The following ARHGEF26 variants were observed in gnomAD, a reference collection of about 807,000 sequenced individuals.
The protein encoded by ARHGEF26 is Rho guanine nucleotide exchange factor (GEF) 26.
In ARHGEF26, 59 loss-of-function variants were observed where a neutral mutation model predicts 89.4. The observed-to-expected ratio is 0.66, with a 90% CI of 0.54 to 0.82. The LOEUF (loss-of-function observed/expected upper bound fraction) is 0.82. Ranked by LOEUF, ARHGEF26 falls within the 40% of genes least tolerant of loss-of-function variation. The pLI is 0.00. For missense variants in ARHGEF26, 1,234 were observed against 1,085.6 expected, an observed-to-expected ratio of 1.14 and a Z score of -1.92; for synonymous variants, 500 against 428.4, an observed-to-expected ratio of 1.17 and a Z score of -2.06.
In ARHGEF26 at chr3:154,240,582, AAGT is replaced by A. The variant is rs1228009317; in HGVS notation, c.2300+5_2300+7del. ...ATGCTACTAGGAGCTGAGACGCAGT[AAGT>A]ATATGTGGGGAAAAGATTGGAATAG... On this transcript the variant is annotated splice_donor_5th_base_variant and intron_variant, in intron 12 of 14. Coordinates refer to ENST00000465093, the MANE Select transcript of ARHGEF26 (RefSeq NM_015595.4). 1 of 1,602,712 alleles carries A rather than the reference AAGT, an allele frequency of 6.2e-7. No homozygotes were observed.
intron 9 of ARHGEF26, among the ~76,000 whole-genome samples, chr3:154,203,231 G>A (rs1576773308): frequency 2.0e-5 from 3 of 152,212 alleles, no homozygotes; most frequent in Admixed American, 2.0e-4. Flanking sequence ...TTTGTCAAAG[G>A]CCTTTTCTGC....
At chr3:154,254,043 G>A (rs1213004743) in intron 13 of ARHGEF26, among the ~76,000 whole-genome samples, 1 of 152,148 alleles carries the variant, frequency 6.6e-6, no homozygotes, top group African/African-American at 2.4e-5. Context: ...AGCCTCCCAA[G>A]TAGCTGAGAC....
chr3:154,191,175 T>G, intron 7 of ARHGEF26, 114 bp from the exon 8 acceptor site: 1 of 1,167,098 alleles, frequency 8.6e-7, no homozygotes, highest in Non-Finnish European at 1.2e-6. Flanking sequence ...TCATACAGTT[T>G]AAAATAGTTG....
Position 154,187,850 on chromosome 3 carries a change from G to T in ARHGEF26, c.1640+13G>T, listed in dbSNP as rs560513180. 1 of 1,600,862 alleles carries T rather than the reference G, an allele frequency of 6.2e-7. No homozygotes were observed. The highest frequency in any genetic ancestry group is 1.7e-5 in the Admixed American group (1 of 58,798). On this transcript the variant is annotated intron_variant, in intron 7 of 14. Transcript: ENST00000465093. ...TACAAAAATTGTTGTAAGCAATGTC[G>T]AATGCTACAGTTTTAATCATCTAAC...
At chr3:154,230,929 G>A (rs376638512) in intron 11 of ARHGEF26, among the ~76,000 whole-genome samples, 1 of 152,100 alleles carries the variant, frequency 6.6e-6, no homozygotes. Flanking sequence ...AGCTGTGCAG[G>A]CTCCCTTGAA....
At chr3:154,169,623 A>G (rs1484983133) in intron 6 of ARHGEF26, among the ~76,000 whole-genome samples, 2 of 152,198 alleles carry the variant, frequency 1.3e-5, no homozygotes, top group Non-Finnish European at 2.9e-5. Context: ...AGGTAAGCTC[A>G]TAGTGCTATT....
intron 9 of ARHGEF26, among the ~76,000 whole-genome samples, chr3:154,197,067 G>C (rs962967991): frequency 1.3e-5 from 2 of 151,978 alleles, no homozygotes; most frequent in African/African-American, 2.4e-5. Context: ...TTCAGGAAAG[G>C]CTGGCAAAAA....
At chr3:154,167,051 T>C (rs1314216755) in intron 6 of ARHGEF26, among the ~76,000 whole-genome samples, 2 of 152,200 alleles carry the variant, frequency 1.3e-5, no homozygotes, top group Non-Finnish European at 2.9e-5. Flanking sequence ...AATCTTTGTA[T>C]GCTCCCCAAA....
intron 4 of ARHGEF26, among the ~76,000 whole-genome samples, chr3:154,136,742 AGTT>A (rs1035602691): frequency 5.9e-5 from 9 of 152,168 alleles, no homozygotes; most frequent in African/African-American, 2.2e-4. Flanking sequence ...CTGAATTTTC[AGTT>A]GTTTGTGACT....
intron 9 of ARHGEF26, among the ~76,000 whole-genome samples, chr3:154,199,374 G>A (rs1285677968): frequency 6.6e-6 from 1 of 152,016 alleles, no homozygotes; most frequent in East Asian, 1.9e-4. Context: ...TTCCAGCCGT[G>A]TTGTTGCAAA....
chr3:154,191,492 A>C (rs780128053), intron 8 of ARHGEF26, 74 bp downstream of exon 8: 22 of 1,512,368 alleles, frequency 1.5e-5, no homozygotes, highest in Non-Finnish European at 2.0e-5. Context: ...AATTATTATT[A>C]TTCCACTTAA....
Position 154,255,343 on chromosome 3 carries a change from G to A in ARHGEF26, c.2486G>A (p.Gly829Glu). Residue 829 changes from glycine to glutamate, a missense_variant, in exon 15 of 15, where the codon GGG becomes GAG. Gly to Glu is a moderately conservative substitution (Grantham distance 98). Transcript: ENST00000465093. ...YQRVSDGWYE[G>E]ERLRDGERGW... is the part of the protein sequence containing the mutation. ...TTCTTTTTCACAGGCTGGTATGAGG[G>A]GGAACGACTACGAGATGGAGAAAGA... 6.2e-7 allele frequency: 1 copy of A among 1,613,066 alleles called. No individual in the cohort carries two copies. Among genetic ancestry groups the A allele is most frequent in the Non-Finnish European group, 8.5e-7 (1 of 1,179,492 alleles).
chr3:154,135,511 A>G (rs373726384), intron 4 of ARHGEF26, among the ~76,000 whole-genome samples: 14 of 152,284 alleles, frequency 9.2e-5, no homozygotes, highest in African/African-American at 2.2e-4. Context: ...TGAAACCTCA[A>G]TGACTTTGAA....
intron 11 of ARHGEF26, among the ~76,000 whole-genome samples, chr3:154,231,171 A>G (rs1233388981): frequency 1.3e-5 from 2 of 152,220 alleles, no homozygotes; most frequent in African/African-American, 4.8e-5. Flanking sequence ...ATTGAGTTCT[A>G]AATTCAAGAT....
chr3:154,209,872 G>T (rs746512797), intron 9 of ARHGEF26, among the ~76,000 whole-genome samples: 25 of 152,302 alleles, frequency 1.6e-4, no homozygotes, highest in Middle Eastern at 6.8e-3. Context: ...TGGGTCGAGA[G>T]GTACCGTTCA....
At chr3:154,192,148 A>T (rs1426083611) in intron 8 of ARHGEF26, among the ~76,000 whole-genome samples, 2 of 152,218 alleles carry the variant, frequency 1.3e-5, no homozygotes, top group African/African-American at 4.8e-5. Flanking sequence ...GTGCCATTCT[A>T]GCAGTGGATC....
chr3:154,198,416 A>C (rs80104521), intron 9 of ARHGEF26, among the ~76,000 whole-genome samples: 26,491 of 152,182 alleles, frequency 0.17, 2,714 homozygotes, highest in South Asian at 0.37. Flanking sequence ...TGTGAAAAAG[A>C]CACTTGCACA....
intron 4 of ARHGEF26, among the ~76,000 whole-genome samples, chr3:154,145,333 G>A (rs1719634333): frequency 6.6e-6 from 1 of 152,166 alleles, no homozygotes; most frequent in South Asian, 2.1e-4. Context: ...GTGTCCTGTG[G>A]TATAATTTTA....
At chr3:154,158,388 C>T (rs1711503251) in intron 6 of ARHGEF26, among the ~76,000 whole-genome samples, 1 of 152,086 alleles carries the variant, frequency 6.6e-6, no homozygotes, top group African/African-American at 2.4e-5. Context: ...GTTTTCTAAC[C>T]CTCCTTAAAA....
Sources: gnomAD v4.1 joint callset for allele counts (sites outside exome capture counted in the v4.1 genomes callset) on GRCh38, gnomAD v4.1.1 for gene constraint, MANE v1.5 for transcripts, NCBI Gene and HGNC (gene_info 2026-07-23, HGNC 2026-07-21) for gene names.